The following C1QTNF3 variants were observed in gnomAD, a reference collection of about 807,000 sequenced individuals.
C1QTNF3 encodes complement C1q tumor necrosis factor-related protein 3.
C1QTNF3 carries 26 observed loss-of-function variants against 32.6 expected under a neutral mutation model. The ratio of observed to expected loss-of-function variants is 0.80; its 90% CI spans 0.58 to 1.11. The LOEUF (loss-of-function observed/expected upper bound fraction) is 1.11, where lower values mean the gene tolerates loss of function less well. C1QTNF3 is among the 50% of genes least tolerant of loss of function. The pLI, the probability that C1QTNF3 is intolerant of heterozygous loss-of-function variation, is 0.00. For missense variants in C1QTNF3, 362 were observed against 398.2 expected (o/e 0.91, Z 0.77); for synonymous variants, 155 against 146.0 (o/e 1.06, Z -0.44).
chr5:34,153,782 A>C, the C1QTNF3 span, among the ~76,000 whole-genome samples: 4 of 111,562 alleles, frequency 3.6e-5, no homozygotes, highest in Non-Finnish European at 3.6e-5. Context: ...GGTGCAGCGC[A>C]CCAGCATGGC....
intron 5 of C1QTNF3, among the ~76,000 whole-genome samples, chr5:34,022,411 T>C (rs906423084): frequency 6.6e-5 from 10 of 152,058 alleles, no homozygotes; most frequent in African/African-American, 2.4e-4. Context: ...AAGACCCTCC[T>C]AGAGGACAGA....
chr5:34,214,450 TTAG>T, the C1QTNF3 span, among the ~76,000 whole-genome samples: 2,145 of 151,328 alleles, frequency 0.014, 33 homozygotes, highest in South Asian at 0.034. Context: ...CTTAAAAAGT[TTAG>T]GATTAGAAAT....
intron 4 of C1QTNF3, 170 bp from the exon 5 acceptor site, chr5:34,024,178 C>T: frequency 1.7e-6 from 1 of 585,416 alleles, no homozygotes; most frequent in Non-Finnish European, 3.1e-6. Context: ...ATCTACTCCC[C>T]TTCCAAGTGC....
the C1QTNF3 span, among the ~76,000 whole-genome samples, chr5:34,211,734 T>C: frequency 1.3e-5 from 2 of 152,054 alleles, no homozygotes; most frequent in Non-Finnish European, 2.9e-5. Context: ...TCATTTTTTA[T>C]GGCTGCATAG....
the C1QTNF3 span, among the ~76,000 whole-genome samples, chr5:34,239,112 T>C: frequency 1.3e-5 from 2 of 152,150 alleles, no homozygotes; most frequent in Non-Finnish European, 2.9e-5. Flanking sequence ...CAATTTCAAC[T>C]TGACCAGCCT....
chr5:34,145,967 T>TA, the C1QTNF3 span, among the ~76,000 whole-genome samples: 46 of 152,038 alleles, frequency 3.0e-4, no homozygotes, highest in African/African-American at 9.9e-4. Flanking sequence ...CCCTCCATGA[T>TA]AAAAAACTCC....
the C1QTNF3 span, among the ~76,000 whole-genome samples, chr5:34,048,502 T>C: frequency 6.6e-6 from 1 of 152,078 alleles, no homozygotes; most frequent in Non-Finnish European, 1.5e-5. Context: ...GCTGGTGTCA[T>C]CTGAATTTAG....
At chr5:34,087,575 T>TTA in the C1QTNF3 span, among the ~76,000 whole-genome samples, 1 of 132,128 alleles carries the variant, frequency 7.6e-6, no homozygotes, top group Non-Finnish European at 1.6e-5. Flanking sequence ...TTTGTCTTTT[T>TTA]TTTTTTTTTT....
intron 4 of C1QTNF3, among the ~76,000 whole-genome samples, chr5:34,026,456 CAAAA>C (rs11335593): frequency 2.2e-4 from 20 of 92,748 alleles, no homozygotes; most frequent in Admixed American, 4.4e-4. Context: ...AATCTGCCAG[CAAAA>C]AAAAAAAAAA....
chr5:34,172,381 C>A, the C1QTNF3 span, among the ~76,000 whole-genome samples: 3 of 141,886 alleles, frequency 2.1e-5, no homozygotes, highest in East Asian at 6.5e-4. Context: ...TATTTTTAGA[C>A]CTTAGTTGAA....
chr5:34,205,255 A>G, the C1QTNF3 span, among the ~76,000 whole-genome samples: 1 of 152,296 alleles, frequency 6.6e-6, no homozygotes, highest in African/African-American at 2.4e-5. Flanking sequence ...GAGATACAGG[A>G]AGGCACTGAT....
intron 4 of C1QTNF3, among the ~76,000 whole-genome samples, chr5:34,027,979 C>T (rs1754512030): frequency 6.8e-6 from 1 of 147,156 alleles, no homozygotes; most frequent in African/African-American, 2.5e-5. Flanking sequence ...TAAACAAGCT[C>T]TTTTTTTTTT....
At chr5:34,134,475 C>G in the C1QTNF3 span, among the ~76,000 whole-genome samples, 2 of 152,132 alleles carry the variant, frequency 1.3e-5, no homozygotes, top group Non-Finnish European at 2.9e-5. Flanking sequence ...CAAGTCACTT[C>G]TGTCACTGAT....
chr5:34,174,914 AT>A, the C1QTNF3 span, among the ~76,000 whole-genome samples: 4 of 149,418 alleles, frequency 2.7e-5, no homozygotes, highest in Non-Finnish European at 3.0e-5. Flanking sequence ...CGCCCGGCTG[AT>A]TTTTTTTGTA....
the C1QTNF3 span, among the ~76,000 whole-genome samples, chr5:34,140,472 A>G: frequency 6.6e-6 from 1 of 152,268 alleles, no homozygotes; most frequent in African/African-American, 2.4e-5. Flanking sequence ...ACTGTCCAAT[A>G]CATTAAGAAT....
At chr5:34,199,824 TTCTC>T in the C1QTNF3 span, 1 of 146,010 alleles carries the variant, frequency 6.8e-6, no homozygotes, top group African/African-American at 2.5e-5. Flanking sequence ...CGTATGTTCT[TTCTC>T]TAACCTCACT....
At chr5:34,069,434 T>G in the C1QTNF3 span, among the ~76,000 whole-genome samples, 2 of 152,136 alleles carry the variant, frequency 1.3e-5, no homozygotes, top group Non-Finnish European at 2.9e-5. Context: ...TGCTATACTA[T>G]CCCCTCTGTC....
chr5:34,073,745 AAGCAAAGCTC>A, the C1QTNF3 span, among the ~76,000 whole-genome samples: 11 of 152,254 alleles, frequency 7.2e-5, no homozygotes, highest in African/African-American at 2.6e-4. Flanking sequence ...GCATGTTTCT[AAGCAAAGCTC>A]AGAAAGTAGT....
the C1QTNF3 span, among the ~76,000 whole-genome samples, chr5:34,062,387 T>C: frequency 1.3e-5 from 2 of 152,238 alleles, no homozygotes; most frequent in African/African-American, 2.4e-5. Flanking sequence ...GCCCTAATTA[T>C]TGATCTTAAA....
Sources: gnomAD v4.1 joint callset for allele counts (sites outside exome capture counted in the v4.1 genomes callset) on GRCh38, gnomAD v4.1.1 for gene constraint, MANE v1.5 for transcripts, NCBI Gene and HGNC (gene_info 2026-07-23, HGNC 2026-07-21) for gene names.